Variants in CHST11 observed in about 807,000 individuals in gnomAD.
The protein encoded by CHST11 is carbohydrate sulfotransferase 11.
CHST11 carries 9 observed loss-of-function variants against 30.4 expected under a neutral mutation model. That is an observed-to-expected ratio of 0.30 (90% CI 0.18 to 0.52). The LOEUF is 0.52. Among genes scored for constraint, CHST11 ranks in the 20% least tolerant of loss-of-function variants. The pLI is 0.97. For synonymous variants in CHST11, 152 were observed against 187.8 expected, an observed-to-expected ratio of 0.81 and a Z score of 1.56; for missense variants, 348 against 460.6, an observed-to-expected ratio of 0.76 and a Z score of 2.24.
intron 2 of CHST11, among the ~76,000 whole-genome samples, chr12:104,750,926 C>G (rs2463443): frequency 0.67 from 101,304 of 151,956 alleles, 34,036 homozygotes; most frequent in Middle Eastern, 0.74. Context: ...GTGAATTTCT[C>G]TCTTGGATTT....
chr12:104,592,842 T>C (rs1354488843), intron 1 of CHST11, among the ~76,000 whole-genome samples: 1 of 152,212 alleles, frequency 6.6e-6, no homozygotes, highest in East Asian at 1.9e-4. Context: ...AGGCATGCTG[T>C]CTGGGCATGT....
At chr12:104,491,952 T>C (rs1355337108) in intron 1 of CHST11, among the ~76,000 whole-genome samples, 2 of 152,176 alleles carry the variant, frequency 1.3e-5, no homozygotes, top group African/African-American at 4.8e-5. Flanking sequence ...TCCTCCTGTC[T>C]CTAAAACTGC....
At chr12:104,691,499 T>C (rs2039896233) in intron 2 of CHST11, among the ~76,000 whole-genome samples, 1 of 151,462 alleles carries the variant, frequency 6.6e-6, no homozygotes, top group African/African-American at 2.4e-5. Context: ...ATTTTTTTTT[T>C]TTTTTTTGAG....
At position 104,653,999 on chromosome 12, in the gene CHST11, C is replaced by T. The variant is rs117082891; in HGVS notation, c.204+52008C>T. 1.1e-3 allele frequency among the ~76,000 whole-genome samples: 170 copies of T among 152,234 alleles called. 3 individuals are homozygous for T. The East Asian group carries it at 0.032, about 29-fold the overall frequency. On this transcript the variant is annotated intron_variant, in intron 2 of 2. Coordinates refer to ENST00000303694, the MANE Select transcript of CHST11 (RefSeq NM_018413.6). Reference sequence around the variant, plus strand: ...CTCTGCCCCATGGTCTCGAGCAAGCCGTAGATATGTGGTTGGTTTCCCAGT... The same window carrying T: ...CTCTGCCCCATGGTCTCGAGCAAGCTGTAGATATGTGGTTGGTTTCCCAGT...
At chr12:104,607,847 A>C (rs1174798505) in intron 2 of CHST11, among the ~76,000 whole-genome samples, 2 of 152,174 alleles carry the variant, frequency 1.3e-5, no homozygotes, top group Non-Finnish European at 2.9e-5. Flanking sequence ...AGGAGCCCAC[A>C]AAAACTGGCG....
At chr12:104,585,244 C>T (rs116552071) in intron 1 of CHST11, among the ~76,000 whole-genome samples, 2,727 of 152,282 alleles carry the variant, frequency 0.018, 84 homozygotes, top group African/African-American at 0.061. Flanking sequence ...GCACTTGCCT[C>T]GTACTCACCT....
At chr12:104,731,952 G>C (rs1490315594) in intron 2 of CHST11, among the ~76,000 whole-genome samples, 1 of 152,252 alleles carries the variant, frequency 6.6e-6, no homozygotes, top group East Asian at 1.9e-4. Flanking sequence ...CAGCCCAGCA[G>C]ATTGGCCTTT....
chr12:104,510,713 AG>A (rs1349495094), intron 1 of CHST11, among the ~76,000 whole-genome samples: 10 of 152,228 alleles, frequency 6.6e-5, no homozygotes, highest in African/African-American at 2.4e-4. Flanking sequence ...TGGCAGACAA[AG>A]CCTTCCCTTT....
chr12:104,489,147 C>T (rs7302650), intron 1 of CHST11, among the ~76,000 whole-genome samples: 3,452 of 152,044 alleles, frequency 0.023, 131 homozygotes, highest in African/African-American at 0.079. Context: ...AGTGATTTTC[C>T]GGCCTCAGCC....
At chr12:104,672,998 G>A (rs1466504585) in intron 2 of CHST11, among the ~76,000 whole-genome samples, 1 of 152,124 alleles carries the variant, frequency 6.6e-6, no homozygotes, top group Non-Finnish European at 1.5e-5. Flanking sequence ...CAAAATCAAG[G>A]TGTCAGCAAA....
chr12:104,585,017 T>A (rs1286638911), intron 1 of CHST11, among the ~76,000 whole-genome samples: 1 of 152,092 alleles, frequency 6.6e-6, no homozygotes, highest in Non-Finnish European at 1.5e-5. Flanking sequence ...CAGAAGAAAA[T>A]AATGCGAATG....
Position 104,541,130 on chromosome 12 carries a change from TCACACACA to T in CHST11, c.119-60753_119-60746del, listed in dbSNP as rs71069763. On this transcript the variant is annotated intron_variant, in intron 1 of 2. Coordinates refer to ENST00000303694, the MANE Select transcript of CHST11 (RefSeq NM_018413.6). ...GAATCTCTCCCTCTCTCTCTCTCTCTCACACACACACACACACACACACACACACATTT... is the reference window on the plus strand; with the variant it reads ...GAATCTCTCCCTCTCTCTCTCTCTCTCACACACACACACACACACACATTT... 3.6e-3 allele frequency among the ~76,000 whole-genome samples: 532 copies of T among 146,676 alleles called. 4 individuals are homozygous for T. The highest frequency in any genetic ancestry group is 0.013 in the African/African-American group (509 of 39,550).
At chr12:104,742,057 G>A (rs2040351818) in intron 2 of CHST11, among the ~76,000 whole-genome samples, 2 of 152,184 alleles carry the variant, frequency 1.3e-5, no homozygotes, top group Admixed American at 1.3e-4. Context: ...TACTTCCTGA[G>A]TGCCTACTAT....
At chr12:104,481,362 C>T (rs1395845686) in intron 1 of CHST11, among the ~76,000 whole-genome samples, 4 of 152,170 alleles carry the variant, frequency 2.6e-5, no homozygotes, top group Admixed American at 1.3e-4. Flanking sequence ...CTTCAGGTCC[C>T]GTTTAATGTT....
intron 2 of CHST11, among the ~76,000 whole-genome samples, chr12:104,607,599 G>A (rs2039019134): frequency 6.6e-6 from 1 of 152,152 alleles, no homozygotes. Context: ...ACTTCCCCAT[G>A]TTAAAGAAGA....
chr12:104,652,386 C>T (rs560861720), intron 2 of CHST11, among the ~76,000 whole-genome samples: 5 of 152,208 alleles, frequency 3.3e-5, no homozygotes, highest in South Asian at 2.1e-4. Context: ...CAGCTCAGGC[C>T]GTGTCCCAGG....
At chr12:104,705,930 GAA>G (rs2040028731) in intron 2 of CHST11, among the ~76,000 whole-genome samples, 1 of 146,768 alleles carries the variant, frequency 6.8e-6, no homozygotes, top group South Asian at 2.2e-4. Context: ...AAAAAAAAAA[GAA>G]ATTTAAAATT....
intron 1 of CHST11, among the ~76,000 whole-genome samples, chr12:104,488,717 G>A (rs2037714493): frequency 6.8e-6 from 1 of 148,020 alleles, no homozygotes; most frequent in African/African-American, 2.5e-5. Context: ...GTGTATGTGT[G>A]CGTGTATGTG....
chr12:104,708,621 C>G (rs1318565425), intron 2 of CHST11, among the ~76,000 whole-genome samples: 1 of 152,168 alleles, frequency 6.6e-6, no homozygotes, highest in African/African-American at 2.4e-5. Flanking sequence ...GGTGCCCCCT[C>G]CTAGCCAGCC....
Sources: allele counts gnomAD v4.1 joint callset (sites outside exome capture counted in the v4.1 genomes callset), GRCh38; gene constraint gnomAD v4.1.1; transcripts MANE v1.5; gene names NCBI Gene and HGNC (gene_info 2026-07-23, HGNC 2026-07-21).